Variants in LEPROTL1 observed in about 807,000 individuals in gnomAD.
LEPROTL1 encodes the protein leptin receptor overlapping transcript-like 1.
LEPROTL1 carries 6 observed loss-of-function variants against 15.4 expected under a neutral mutation model. That is an observed-to-expected ratio of 0.39 (90% CI 0.21 to 0.77). The LOEUF is 0.77. LEPROTL1 is among the 30% of genes least tolerant of loss of function. LEPROTL1 has a pLI of 0.41. For synonymous variants in LEPROTL1, 56 were observed against 52.6 expected, an observed-to-expected ratio of 1.06 and a Z score of -0.28; for missense variants, 128 against 158.1, an observed-to-expected ratio of 0.81 and a Z score of 1.02.
chr8:30,134,483 C>T (rs936557357), intron 4 of LEPROTL1, among the ~76,000 whole-genome samples: 6 of 151,636 alleles, frequency 4.0e-5, no homozygotes, highest in African/African-American at 1.2e-4. Flanking sequence ...TACCTGAAAA[C>T]ACATACGATG....
chr8:30,113,107 CAAAA>C (rs578198019), downstream of LEPROTL1, among the ~76,000 whole-genome samples: 1 of 95,448 alleles, frequency 1.0e-5, no homozygotes, highest in Non-Finnish European at 2.3e-5. Context: ...CCCGTCTCTC[CAAAA>C]AAAAAAAAAA....
intron 4 of LEPROTL1, chr8:30,132,624 A>AC: frequency 6.4e-7 from 1 of 1,551,604 alleles, no homozygotes; most frequent in Non-Finnish European, 8.7e-7. Context: ...GAATCTGCAG[A>AC]CCCCTCCAGC....
intron 3 of LEPROTL1, among the ~76,000 whole-genome samples, chr8:30,125,977 G>A (rs973241936): frequency 2.6e-5 from 4 of 152,166 alleles, no homozygotes; most frequent in African/African-American, 9.7e-5. Context: ...TGAACTCTTA[G>A]ACTATGGAGA....
chr8:30,105,602 G>C (rs11988030), intron 3 of LEPROTL1, 144 bp from the exon 4 acceptor site: 1 of 266,308 alleles, frequency 3.8e-6, no homozygotes, highest in Non-Finnish European at 6.9e-6. Flanking sequence ...ATATTTATAA[G>C]TATGTGTTCA....
chr8:30,106,811 A>G lies in LEPROTL1; in HGVS notation c.*949A>G. 1 of 985,092 alleles carries G rather than the reference A, an allele frequency of 1.0e-6. No homozygotes were observed. The highest frequency in any genetic ancestry group is 1.2e-6 in the Non-Finnish European group (1 of 829,266). The allele number at this position is 985,092 out of a possible 1,614,324, so 61.0% of individuals were successfully genotyped here. A position where few individuals can be genotyped will look rare whatever the true frequency, so the allele number is the denominator to read the frequency against. On this transcript the variant is annotated 3_prime_UTR_variant, in exon 4 of 4. Transcript: ENST00000321250. ...ATGTTTGCATCATATATGCCAGAAA[A>G]CCTTCCTCTGCTTCCTCCTTTTGAC...
At position 30,106,212 on chromosome 8, in the gene LEPROTL1, T is replaced by A. The variant is rs947392340; in HGVS notation, c.*350T>A. ...TTTTTAATGTAATCATTTGCATTGG[T>A]TAGGAATTCAGAATTCCGCCGGCTC... On this transcript the variant is annotated 3_prime_UTR_variant, in exon 4 of 4. Transcript: ENST00000321250. The A allele has an allele frequency of 4.1e-6, 4 of 986,450 alleles. No homozygotes were observed. The highest frequency in any genetic ancestry group is 4.8e-6 in the Non-Finnish European group (4 of 830,368). 61.1% of individuals were successfully genotyped at this position (986,450 alleles called of 1,614,324 possible). A position where few individuals can be genotyped will look rare whatever the true frequency, so the allele number is the denominator to read the frequency against.
chr8:30,132,461 AGTC>A (rs1803044146), exon 4 of LEPROTL1: 3 of 1,551,590 alleles, frequency 1.9e-6, no homozygotes, highest in African/African-American at 1.4e-5. Context: ...TGGAGGAGGG[AGTC>A]GTCCAGGATC....
chr8:30,116,395 G>A (rs1802740912), intron 3 of LEPROTL1, among the ~76,000 whole-genome samples: 1 of 152,136 alleles, frequency 6.6e-6, no homozygotes, highest in African/African-American at 2.4e-5. Flanking sequence ...GGATGGTTTT[G>A]GGATGAAACC....
At chr8:30,132,984 A>C (rs372676877) in intron 4 of LEPROTL1, 6 of 1,401,832 alleles carry the variant, frequency 4.3e-6, no homozygotes, top group East Asian at 5.0e-5. Context: ...GTCATACATG[A>C]TCTCGCAGGA....
intron 3 of LEPROTL1, among the ~76,000 whole-genome samples, chr8:30,124,395 T>C (rs1802878495): frequency 6.6e-6 from 1 of 152,198 alleles, no homozygotes; most frequent in Non-Finnish European, 1.5e-5. Flanking sequence ...TTTCAACAAT[T>C]CTGAACACAT....
chr8:30,117,308 T>A (rs1307929435), intron 3 of LEPROTL1: 2 of 720,184 alleles, frequency 2.8e-6, no homozygotes, highest in Non-Finnish European at 4.5e-6. Context: ...GACAAAATAG[T>A]GAGACCCTGT....
intron 3 of LEPROTL1, chr8:30,117,417 G>A (rs1484347680): frequency 3.3e-6 from 5 of 1,516,122 alleles, no homozygotes; most frequent in East Asian, 2.2e-5. Flanking sequence ...TCCCTCCTGT[G>A]TGTTTTCATC....
intron 1 of LEPROTL1, among the ~76,000 whole-genome samples, chr8:30,096,604 C>G (rs1802371610): frequency 6.6e-6 from 1 of 152,128 alleles, no homozygotes; most frequent in Non-Finnish European, 1.5e-5. Context: ...TCCTTTTGAA[C>G]TATGATAGAC....
At chr8:30,103,074 T>TTTTTG (rs1265556410) in intron 2 of LEPROTL1, among the ~76,000 whole-genome samples, 7 of 152,292 alleles carry the variant, frequency 4.6e-5, no homozygotes, top group African/African-American at 1.4e-4. Context: ...TTGGTTTTTG[T>TTTTTG]TTTTGTTTTG....
rs1426025046 is a variant in LEPROTL1 at position 30,101,874 on chromosome 8, T to C, written c.17-24T>C. ...AAATAATATTTAATTTATATTCCTG[T>C]TGCACTTTTTATTTGCTTTGCAGCT... On this transcript the variant is annotated intron_variant, in intron 1 of 3. Transcript: ENST00000321250. The C allele has an allele frequency of 4.9e-6, 7 of 1,434,008 alleles. No individual in the cohort carries two copies. The South Asian group carries it at 7.1e-5, about 15-fold the overall frequency. 88.8% of individuals were successfully genotyped at this position (1,434,008 alleles called of 1,614,324 possible). A position where few individuals can be genotyped will look rare whatever the true frequency, so the allele number is the denominator to read the frequency against.
intron 3 of LEPROTL1, chr8:30,117,591 A>G (rs1802761021): frequency 2.1e-6 from 3 of 1,433,610 alleles, no homozygotes; most frequent in Admixed American, 1.7e-5. Flanking sequence ...GAGGTTCACA[A>G]CAATTTTCCC....
In LEPROTL1 at chr8:30,134,207, G is replaced by A. The variant is rs540207360; in HGVS notation, c.394+1718G>A. ...TGGGAGGCCGAGGCAGGTGGATCAC[G>A]AGGTCAAGAGATCGAGACCATCCTG... On this transcript the variant is annotated intron_variant, in intron 4 of 4. Transcript: ENST00000442880. 1.4e-4 allele frequency among the ~76,000 whole-genome samples: 21 copies of A among 152,136 alleles called. No homozygotes were observed. In the East Asian group the frequency reaches 2.1e-3, roughly 15 times the overall value.
chr8:30,116,988 G>T (rs530532504), intron 3 of LEPROTL1, among the ~76,000 whole-genome samples: 1 of 152,208 alleles, frequency 6.6e-6, no homozygotes, highest in Non-Finnish European at 1.5e-5. Flanking sequence ...GAATTGGTCA[G>T]TATGGGGGAG....
chr8:30,115,110 T>A (rs1420866457), intron 3 of LEPROTL1, among the ~76,000 whole-genome samples: 1 of 152,170 alleles, frequency 6.6e-6, no homozygotes, highest in Admixed American at 6.5e-5. Context: ...ATGCCAGTAT[T>A]CCCAGCACTT....
Sources: allele counts gnomAD v4.1 joint callset (sites outside exome capture counted in the v4.1 genomes callset), GRCh38; gene constraint gnomAD v4.1.1; transcripts MANE v1.5; gene names NCBI Gene and HGNC (gene_info 2026-07-23, HGNC 2026-07-21).